The following IRAK4 variants were observed in gnomAD, a reference collection of about 807,000 sequenced individuals.
IRAK4 encodes interleukin-1 receptor-associated kinase 4.
In IRAK4, 44 loss-of-function variants were observed where a neutral mutation model predicts 51.8. The ratio of observed to expected loss-of-function variants is 0.85; its 90% CI spans 0.67 to 1.09. IRAK4 has a LOEUF of 1.09. IRAK4 is among the 50% of genes least tolerant of loss of function. The probability of loss-of-function intolerance (pLI) is 0.00; values close to 1 mark genes in which losing one functional copy is unlikely to be tolerated. For missense variants in IRAK4, 487 were observed against 538.0 expected (o/e 0.91, Z 0.94); for synonymous variants, 149 against 174.1 (o/e 0.86, Z 1.13).
rs1450232575 is a variant in IRAK4 at position 43,787,635 on chromosome 12, A to ACT, written c.*920_*921insCT. 6.6e-6 allele frequency: 1 copy of ACT among 152,230 alleles called. No homozygotes were observed. Among genetic ancestry groups the ACT allele is most frequent in the Non-Finnish European group, 1.5e-5 (1 of 68,046 alleles). The allele number at this position is 152,230 out of a possible 1,614,324, so 9.4% of individuals were successfully genotyped here. On this transcript the variant is annotated 3_prime_UTR_variant, in exon 12 of 12. Transcript: ENST00000613694. Reference sequence around the variant, plus strand: ...TGCCAAAAATCTGAGTCAGCTTAGAAGAGTACTCCAAGCTTCAGATGATAA... The same window carrying ACT: ...TGCCAAAAATCTGAGTCAGCTTAGAACTGAGTACTCCAAGCTTCAGATGATAA...
In IRAK4 at chr12:43,782,318, T is replaced by C. The variant is rs1265334986; in HGVS notation, c.953T>C (p.Leu318Ser). ...TACATTTTTTTCAGTGCAAATATCT[T>C]ACTGGATGAAGCTTTTACTGCTAAA... Reference protein sequence around the residue: ...IHRDIKSANILLDEAFTAKIS... With the variant: ...IHRDIKSANISLDEAFTAKIS... Residue 318 changes from leucine to serine, a missense_variant, in exon 9 of 12, where the codon TTA becomes TCA. Leu to Ser is a moderately radical substitution (Grantham distance 145). Transcript: ENST00000613694. The C allele has an allele frequency of 6.2e-7, 1 of 1,612,778 alleles. No individual in the cohort carries two copies. The highest frequency in any genetic ancestry group is 8.5e-7 in the Non-Finnish European group (1 of 1,178,890).
At chr12:43,785,509 A>G (rs1942129703) in intron 10 of IRAK4, among the ~76,000 whole-genome samples, 1 of 152,020 alleles carries the variant, frequency 6.6e-6, no homozygotes, top group Admixed American at 6.6e-5. Flanking sequence ...AATGCTGCTA[A>G]TGGGAACATA....
At position 43,789,119 on chromosome 12, in the gene IRAK4, C is replaced by G. The variant is rs1233478558; in HGVS notation, c.*2404C>G. 2.0e-5 allele frequency: 3 copies of G among 152,168 alleles called. No homozygotes were observed. Among genetic ancestry groups the G allele is most frequent in the African/African-American group, 7.2e-5 (3 of 41,400 alleles). The allele number at this position is 152,168 out of a possible 1,614,324, so 9.4% of individuals were successfully genotyped here. On this transcript the variant is annotated 3_prime_UTR_variant, in exon 12 of 12. Coordinates refer to ENST00000613694, the MANE Select transcript of IRAK4 (RefSeq NM_016123.4). The stretch of plus-strand genomic sequence containing the variant: ...ATTTGGGGGGCTGGGGGTAGAATGA[C>G]ATTGTTTAGATGTTTGTCTCCTTCA...
Sources: allele counts gnomAD v4.1 joint callset (sites outside exome capture counted in the v4.1 genomes callset), GRCh38; gene constraint gnomAD v4.1.1; transcripts MANE v1.5; gene names NCBI Gene and HGNC (gene_info 2026-07-23, HGNC 2026-07-21).